Variants in TIMD4 observed in about 807,000 individuals in gnomAD.
TIMD4 encodes the protein T-cell immunoglobulin and mucin domain-containing protein 4.
TIMD4 carries 31 observed loss-of-function variants against 41.2 expected under a neutral mutation model. The ratio of observed to expected loss-of-function variants is 0.75; its 90% CI spans 0.57 to 1.01. TIMD4 has a LOEUF of 1.01. TIMD4 is among the 50% of genes least tolerant of loss of function. TIMD4 has a pLI of 0.00. For synonymous variants in TIMD4, 204 were observed against 177.1 expected (o/e 1.15, Z -1.21); for missense variants, 479 against 472.5 (o/e 1.01, Z -0.13).
intron 5 of TIMD4, among the ~76,000 whole-genome samples, chr5:156,932,159 A>G (rs769611555): frequency 7.9e-5 from 12 of 152,252 alleles, no homozygotes; most frequent in Non-Finnish European, 1.6e-4. Flanking sequence ...TCAAGTAGAA[A>G]TATCAAGACA....
At chr5:156,961,325 T>G (rs959388532) in intron 1 of TIMD4, among the ~76,000 whole-genome samples, 2 of 152,194 alleles carry the variant, frequency 1.3e-5, no homozygotes, top group African/African-American at 2.4e-5. Context: ...AGTATGGTGA[T>G]TCCTTAAAAA....
chr5:156,921,994 GC>G, intron 7 of TIMD4, 104 bp downstream of exon 7: 2 of 807,548 alleles, frequency 2.5e-6, no homozygotes, highest in Non-Finnish European at 3.9e-6. Flanking sequence ...GCAGAACTGA[GC>G]CTCTTTGGGG....
chr5:156,962,164 T>C (rs538550624), intron 1 of TIMD4, among the ~76,000 whole-genome samples: 3 of 151,990 alleles, frequency 2.0e-5, no homozygotes, highest in Non-Finnish European at 4.4e-5. Context: ...AAAAATACAA[T>C]TAAATAGAAG....
chr5:156,952,954 G>C (rs775024772), intron 2 of TIMD4, among the ~76,000 whole-genome samples: 17 of 152,064 alleles, frequency 1.1e-4, no homozygotes, highest in Non-Finnish European at 1.6e-4. Flanking sequence ...GTAAAGATTG[G>C]TTCATACCAA....
intron 1 of TIMD4, among the ~76,000 whole-genome samples, chr5:156,960,342 C>G (rs1363771149): frequency 6.6e-6 from 1 of 151,140 alleles, no homozygotes; most frequent in Non-Finnish European, 1.5e-5. Flanking sequence ...ATACCAAACC[C>G]AAAATATAAG....
chr5:156,929,511 T>C (rs1444226040), intron 5 of TIMD4, among the ~76,000 whole-genome samples: 4 of 152,110 alleles, frequency 2.6e-5, no homozygotes, highest in African/African-American at 9.7e-5. Context: ...CAATGATTGG[T>C]GTCCTTAAGA....
chr5:156,941,227 A>T (rs953733187), intron 5 of TIMD4, among the ~76,000 whole-genome samples: 44 of 152,252 alleles, frequency 2.9e-4, no homozygotes, highest in South Asian at 1.2e-3. Flanking sequence ...CTTTGTTCAC[A>T]TGTTTATCTG....
intron 2 of TIMD4, among the ~76,000 whole-genome samples, chr5:156,953,485 A>C (rs1759903277): frequency 6.6e-6 from 1 of 151,760 alleles, no homozygotes; most frequent in African/African-American, 2.4e-5. Flanking sequence ...GTGAAATCTC[A>C]TCTCTACTAA....
In TIMD4 at chr5:156,949,667, G is replaced by A; in HGVS notation, c.744C>T (p.Val248=). Residue 248 remains valine, a synonymous_variant, in exon 4 of 9, where the codon GTC becomes GTT. Transcript: ENST00000274532. The stretch of plus-strand genomic sequence containing the variant: ...TCTGCACACCTTTGGATGTCAGCAG[G>A]ACAGTGTCAGCAGAAGTAGACTCAA... ...SSVESTSADT[V]LLTSKESKVW... is the part of the protein sequence containing the mutation. 6.2e-7 allele frequency: 1 copy of A among 1,612,818 alleles called. No individual in the cohort carries two copies.
chr5:156,935,181 T>TA (rs1759517381), intron 5 of TIMD4, among the ~76,000 whole-genome samples: 2 of 151,140 alleles, frequency 1.3e-5, no homozygotes, highest in South Asian at 4.2e-4. Flanking sequence ...TCCTCCAATT[T>TA]CTTTTTTTTT....
rs1199756250 is a variant in TIMD4, at chr5:156,951,783, T to G, written c.408A>C (p.Thr136=). The part of the protein sequence containing the change: ...NVRLNLQRAS[T]TTHRTATTTT... ...TGGTGGTTGCTGTTCTGTGCGTGGT[T>G]GTTGAGGCTGTAACCAACAACAGAC... is the stretch of plus-strand genomic sequence containing the variant. The change falls in exon 3 of 9, where the codon ACA becomes ACC. Residue 136 remains threonine (T), a synonymous_variant. Transcript: ENST00000274532. 17 of 1,613,862 alleles carry G rather than the reference T, an allele frequency of 1.1e-5. No homozygotes were observed. Among genetic ancestry groups the G allele is most frequent in the African/African-American group, 2.7e-5 (2 of 74,860 alleles).
chr5:156,954,461 GC>G lies in TIMD4; in HGVS notation c.353del (p.Gly118AlafsTer6), dbSNP rs1166009736. 6.2e-7 allele frequency: 1 copy of G among 1,614,200 alleles called. No homozygotes were observed. The highest frequency in any genetic ancestry group is 1.7e-5 in the Admixed American group (1 of 60,020). On this transcript the variant is annotated frameshift_variant, in exon 2 of 9. Transcript: ENST00000274532. LOFTEE classifies it high-confidence loss of function. ...CGTTTATCTTTACATCGTTGAACCA[GC>G]CAGGCACTTCTATGCGGCAGCAGTA... ...GVYCCRIEVP[G>X]WFNDVKINVR...
chr5:156,954,850 T>C, intron 1 of TIMD4, 94 bp from the exon 2 acceptor site: 1 of 1,036,692 alleles, frequency 9.6e-7, no homozygotes, highest in Non-Finnish European at 1.4e-6. Context: ...TCCAGGAAGA[T>C]GAAGAAAGCT....
chr5:156,935,634 C>G (rs1015518013), intron 5 of TIMD4: 1 of 152,130 alleles, frequency 6.6e-6, no homozygotes, highest in African/African-American at 2.4e-5. Context: ...TCACATTTCA[C>G]GCAGATTAGG....
At chr5:156,928,328 G>C (rs1238892856) in intron 5 of TIMD4, among the ~76,000 whole-genome samples, 2 of 151,800 alleles carry the variant, frequency 1.3e-5, no homozygotes, top group African/African-American at 2.4e-5. Flanking sequence ...TCCATGGGCT[G>C]CATGTTCAGA....
At chr5:156,954,863 A>AG (rs1335172772) in intron 1 of TIMD4, 107 bp from the exon 2 acceptor site, 3 of 963,012 alleles carry the variant, frequency 3.1e-6, no homozygotes, top group Non-Finnish European at 4.6e-6. Flanking sequence ...AGAAAGCTGT[A>AG]GTCTATGTTT....
chr5:156,926,201 G>A, intron 6 of TIMD4, 62 bp downstream of exon 6: 2 of 1,564,466 alleles, frequency 1.3e-6, no homozygotes, highest in Non-Finnish European at 1.8e-6. Flanking sequence ...ACCGTGCCTG[G>A]CCACTACTGT....
At chr5:156,958,133 G>A (rs748842647) in intron 1 of TIMD4, among the ~76,000 whole-genome samples, 42 of 151,918 alleles carry the variant, frequency 2.8e-4, no homozygotes, top group Non-Finnish European at 5.2e-4. Context: ...TCAGCTGGGC[G>A]TGGTTGTGGG....
chr5:156,951,330 GA>G (rs1419266043), intron 3 of TIMD4, among the ~76,000 whole-genome samples, 181 bp downstream of exon 3: 1 of 152,052 alleles, frequency 6.6e-6, no homozygotes, highest in East Asian at 1.9e-4. Flanking sequence ...AGAGCAGTGC[GA>G]AAATAAATTT....
Sources: gnomAD v4.1 joint callset for allele counts (sites outside exome capture counted in the v4.1 genomes callset) on GRCh38, gnomAD v4.1.1 for gene constraint, MANE v1.5 for transcripts, NCBI Gene and HGNC (gene_info 2026-07-23, HGNC 2026-07-21) for gene names.